CEP70: variants seen among roughly 807,000 people sequenced by gnomAD.
The protein encoded by CEP70 is centrosomal protein 70, also known as centrosomal protein of 70 kDa.
A neutral mutation model predicts 90.9 loss-of-function variants in CEP70; 70 were observed. That is an observed-to-expected ratio of 0.77 (90% CI 0.64 to 0.94). The LOEUF (loss-of-function observed/expected upper bound fraction) is 0.94. CEP70 is among the 40% of genes least tolerant of loss of function. CEP70 has a pLI of 0.00. For synonymous variants in CEP70, 220 were observed against 228.3 expected (o/e 0.96, Z 0.33); for missense variants, 648 against 669.0 (o/e 0.97, Z 0.35).
intron 12 of CEP70, among the ~76,000 whole-genome samples, chr3:138,508,143 C>T (rs962060780): frequency 3.3e-5 from 5 of 151,928 alleles, no homozygotes; most frequent in East Asian, 1.9e-4. Context: ...AGAAACAATA[C>T]GAGGGAAAAT....
At chr3:138,545,971 G>C (rs2039164421) in intron 6 of CEP70, among the ~76,000 whole-genome samples, 1 of 152,044 alleles carries the variant, frequency 6.6e-6, no homozygotes, top group Non-Finnish European at 1.5e-5. Context: ...TACTAATTTT[G>C]CCCTTTGCCT....
At chr3:138,544,121 C>G (rs2038979526) in intron 6 of CEP70, among the ~76,000 whole-genome samples, 1 of 152,128 alleles carries the variant, frequency 6.6e-6, no homozygotes, top group South Asian at 2.1e-4. Flanking sequence ...AAATCCCCAT[C>G]TCTTTTAAAA....
intron 2 of CEP70, among the ~76,000 whole-genome samples, chr3:138,585,129 T>C (rs1298971912): frequency 6.6e-6 from 1 of 152,148 alleles, no homozygotes; most frequent in Non-Finnish European, 1.5e-5. Flanking sequence ...TGACATGATC[T>C]TATATTTGGA....
Position 138,571,175 on chromosome 3 carries a change from A to T in CEP70, c.161-18T>A. 1 of 1,556,862 alleles carries T rather than the reference A, an allele frequency of 6.4e-7. No homozygotes were observed. Among genetic ancestry groups the T allele is most frequent in the East Asian group, 2.3e-5 (1 of 43,786 alleles). ...GATGAGATCTACATTTAAAAAGTATATAATACAGATAGTAAAAATAAAAGG... is the reference window on the plus strand; with the variant it reads ...GATGAGATCTACATTTAAAAAGTATTTAATACAGATAGTAAAAATAAAAGG... On this transcript the variant is annotated intron_variant, in intron 4 of 17. Transcript: ENST00000264982.
intron 11 of CEP70, among the ~76,000 whole-genome samples, chr3:138,509,293 C>T (rs2035299757): frequency 6.6e-6 from 1 of 152,176 alleles, no homozygotes. Context: ...GGTTTGGGTA[C>T]TGTAGCAGGA....
intron 2 of CEP70, among the ~76,000 whole-genome samples, chr3:138,589,308 A>C (rs1362891020): frequency 4.6e-5 from 7 of 152,138 alleles, no homozygotes; most frequent in Admixed American, 4.6e-4. Flanking sequence ...ATACTGACCC[A>C]AAACAACCAA....
intron 7 of CEP70, among the ~76,000 whole-genome samples, chr3:138,534,745 C>G (rs1453801720): frequency 6.6e-6 from 1 of 152,174 alleles, no homozygotes; most frequent in Non-Finnish European, 1.5e-5. Flanking sequence ...AACAACAGGC[C>G]TGATATGTCT....
At chr3:138,566,361 T>C (rs542789811) in intron 6 of CEP70, among the ~76,000 whole-genome samples, 29 of 152,308 alleles carry the variant, frequency 1.9e-4, no homozygotes, top group African/African-American at 7.0e-4. Context: ...ATAATTCTAC[T>C]ATAAAGACAC....
At chr3:138,509,945 T>A (rs1191493195) in intron 11 of CEP70, among the ~76,000 whole-genome samples, 4 of 152,142 alleles carry the variant, frequency 2.6e-5, no homozygotes, top group Non-Finnish European at 4.4e-5. Flanking sequence ...AGAGTAGTCA[T>A]GTTAGCAATT....
At chr3:138,495,159 G>T in intron 17 of CEP70, 83 bp from the exon 18 acceptor site, 1 of 767,928 alleles carries the variant, frequency 1.3e-6, no homozygotes, top group East Asian at 2.6e-5. Flanking sequence ...TATATGCAAA[G>T]GCAAACCCCA....
At chr3:138,505,176 T>G in intron 13 of CEP70, 119 bp downstream of exon 13, 4 of 740,162 alleles carry the variant, frequency 5.4e-6, no homozygotes, top group Non-Finnish European at 7.9e-6. Flanking sequence ...GCTTTAGAGT[T>G]AACACACAAA....
At chr3:138,535,232 T>C (rs940044013) in intron 7 of CEP70, among the ~76,000 whole-genome samples, 4 of 152,192 alleles carry the variant, frequency 2.6e-5, no homozygotes, top group African/African-American at 9.6e-5. Flanking sequence ...ATTTCTCTAA[T>C]TGAAACATCC....
chr3:138,510,811 A>G (rs2035460003), intron 11 of CEP70, among the ~76,000 whole-genome samples: 1 of 148,612 alleles, frequency 6.7e-6, no homozygotes, highest in African/African-American at 2.5e-5. Flanking sequence ...ATTGGAACAC[A>G]TTTCTGTCCA....
At chr3:138,499,317 T>TA (rs988764833) in intron 16 of CEP70, among the ~76,000 whole-genome samples, 28 of 152,150 alleles carry the variant, frequency 1.8e-4, no homozygotes, top group African/African-American at 2.4e-4. Flanking sequence ...TTTCTAAAAA[T>TA]ACCAGCTTTT....
chr3:138,508,496 T>C lies in CEP70; in HGVS notation c.993A>G (p.Lys331=), dbSNP rs776463787. The C allele has an allele frequency of 1.5e-5, 25 of 1,613,006 alleles. No homozygotes were observed. The highest frequency in any genetic ancestry group is 6.7e-5 in the African/African-American group (5 of 74,890). ...GCTGATTATATTTGCTGGGCTCATC[T>C]TTCTTCTCTGTGTCCTCAGCCTTCT... ...NHKKAEDTEK[K]DEPSKYNQQQ... Residue 331 remains lysine, a synonymous_variant, in exon 12 of 18, where the codon AAA becomes AAG. Transcript: ENST00000264982.
At chr3:138,577,152 A>G (rs929674179) in intron 2 of CEP70, among the ~76,000 whole-genome samples, 3 of 151,848 alleles carry the variant, frequency 2.0e-5, no homozygotes, top group Non-Finnish European at 4.4e-5. Context: ...CAATGAGAAC[A>G]CTTGGACACA....
chr3:138,563,821 G>A (rs878888904), intron 6 of CEP70, among the ~76,000 whole-genome samples: 1 of 152,084 alleles, frequency 6.6e-6, no homozygotes, highest in Non-Finnish European at 1.5e-5. Context: ...TCAAAAACTA[G>A]CAGAAGTCAA....
chr3:138,513,253 A>ATAC (rs940514584), intron 11 of CEP70, among the ~76,000 whole-genome samples: 27 of 152,212 alleles, frequency 1.8e-4, no homozygotes, highest in African/African-American at 2.9e-4. Context: ...CCTGAAAGCT[A>ATAC]TACTACTACT....
At chr3:138,521,367 G>A (rs188625930) in intron 11 of CEP70, among the ~76,000 whole-genome samples, 261 of 148,522 alleles carry the variant, frequency 1.8e-3, no homozygotes, top group African/African-American at 5.5e-3. Flanking sequence ...AGTGAGGAGC[G>A]TCTCTGCCTG....
Sources: allele counts gnomAD v4.1 joint callset (sites outside exome capture counted in the v4.1 genomes callset), GRCh38; gene constraint gnomAD v4.1.1; transcripts MANE v1.5; gene names NCBI Gene and HGNC (gene_info 2026-07-23, HGNC 2026-07-21).